The following RHOU variants were observed in gnomAD, a reference collection of about 807,000 sequenced individuals.
The protein encoded by RHOU is rho-related GTP-binding protein RhoU.
A neutral mutation model predicts 12.6 loss-of-function variants in RHOU; 8 were observed. The observed-to-expected ratio is 0.64, with a 90% CI of 0.37 to 1.15. The LOEUF is 1.15. Ranked by LOEUF, RHOU falls within the 50% of genes most tolerant of loss-of-function variation. RHOU has a pLI of 0.01. For synonymous variants in RHOU, 161 were observed against 147.4 expected, an observed-to-expected ratio of 1.09 and a Z score of -0.67; for missense variants, 258 against 347.0, an observed-to-expected ratio of 0.74 and a Z score of 2.04.
At chr1:228,735,439 G>GC (rs1174971479), upstream of RHOU, 4 of 200,200 alleles carry the variant, frequency 2.0e-5, no homozygotes, top group Admixed American at 6.0e-5. The surrounding 1 kb of genome is among the most constrained non-coding windows in gnomAD (Gnocchi z 8.1). Context: ...CCGCCTGCCC[G>GC]CCCCCCACGC....
At chr1:228,703,814 G>A in the RHOU span, among the ~76,000 whole-genome samples, 11 of 152,186 alleles carry the variant, frequency 7.2e-5, no homozygotes, top group Non-Finnish European at 1.5e-4. Flanking sequence ...TGGGATATGT[G>A]TAAGGAAAAT....
the RHOU span, among the ~76,000 whole-genome samples, chr1:228,646,949 A>C: frequency 6.6e-6 from 1 of 152,116 alleles, no homozygotes; most frequent in Non-Finnish European, 1.5e-5. Flanking sequence ...AGAGAGGCTA[A>C]GAGGGACAGA....
the RHOU span, among the ~76,000 whole-genome samples, chr1:228,695,622 G>T: frequency 6.6e-6 from 1 of 152,148 alleles, no homozygotes; most frequent in Non-Finnish European, 1.5e-5. Context: ...TCAGTTTACA[G>T]GTTCATTATA....
upstream of RHOU, among the ~76,000 whole-genome samples, chr1:228,732,827 A>C (rs6665334): frequency 0.15 from 23,373 of 152,098 alleles, 2,066 homozygotes; most frequent in South Asian, 0.22. Flanking sequence ...TTCATTAAGA[A>C]AAAAAAATAC....
upstream of RHOU, among the ~76,000 whole-genome samples, chr1:228,731,785 G>C (rs938762569): frequency 5.3e-5 from 8 of 151,904 alleles, no homozygotes; most frequent in African/African-American, 1.9e-4. Context: ...GTTGGGGGTA[G>C]GTAGGGGGGA....
At chr1:228,664,898 C>T in the RHOU span, among the ~76,000 whole-genome samples, 1 of 152,186 alleles carries the variant, frequency 6.6e-6, no homozygotes, top group Non-Finnish European at 1.5e-5. Flanking sequence ...GTGATCCATC[C>T]GCCTCGGCCT....
At chr1:228,666,569 C>T in the RHOU span, among the ~76,000 whole-genome samples, 1 of 152,108 alleles carries the variant, frequency 6.6e-6, no homozygotes, top group Non-Finnish European at 1.5e-5. Context: ...ACAAATCTCT[C>T]CCTATCCCTC....
At chr1:228,712,944 C>T in the RHOU span, among the ~76,000 whole-genome samples, 2 of 151,676 alleles carry the variant, frequency 1.3e-5, no homozygotes, top group South Asian at 2.1e-4. Context: ...CTGACCTAGT[C>T]GGATATCTGA....
At chr1:228,715,645 C>T in the RHOU span, among the ~76,000 whole-genome samples, 1 of 152,116 alleles carries the variant, frequency 6.6e-6, no homozygotes, top group South Asian at 2.1e-4. Context: ...CTTTCATATA[C>T]ATTCTTAAGA....
rs905419157 is a variant in RHOU at position 228,745,202 on chromosome 1, C to T, written c.*1462C>T. On this transcript the variant is annotated 3_prime_UTR_variant, in exon 3 of 3. Coordinates refer to ENST00000366691, the MANE Select transcript of RHOU (RefSeq NM_021205.6). ...GTGGCAGCTGTTAGGGCTGAATCTTCTGGAGAAAAAGGTGCCATCTCAGGA... is the reference window on the plus strand; with the variant it reads ...GTGGCAGCTGTTAGGGCTGAATCTTTTGGAGAAAAAGGTGCCATCTCAGGA... 6.6e-6 allele frequency: 1 copy of T among 152,128 alleles called. No homozygotes were observed. Among genetic ancestry groups the T allele is most frequent in the African/African-American group, 2.4e-5 (1 of 41,412 alleles). 9.4% of individuals were successfully genotyped at this position (152,128 alleles called of 1,614,324 possible). A position where few individuals can be genotyped will look rare whatever the true frequency, so the allele number is the denominator to read the frequency against.
chr1:228,646,900 A>C, the RHOU span, among the ~76,000 whole-genome samples: 45 of 152,150 alleles, frequency 3.0e-4, 1 homozygote, highest in East Asian at 7.6e-3. Flanking sequence ...GGAGAGAGAC[A>C]GCGATCGAGA....
At chr1:228,725,447 A>C in the RHOU span, among the ~76,000 whole-genome samples, 62 of 134,996 alleles carry the variant, frequency 4.6e-4, no homozygotes, top group Admixed American at 1.7e-3. Flanking sequence ...AGCCTCTCAA[A>C]GGGACTAGTG....
At chr1:228,655,612 G>T in the RHOU span, among the ~76,000 whole-genome samples, 14 of 152,134 alleles carry the variant, frequency 9.2e-5, no homozygotes, top group African/African-American at 3.4e-4. Flanking sequence ...TTGCTCAAAT[G>T]TGGCAAAAAA....
At chr1:228,685,427 G>C in the RHOU span, among the ~76,000 whole-genome samples, 2 of 152,228 alleles carry the variant, frequency 1.3e-5, no homozygotes, top group South Asian at 4.1e-4. Context: ...CTGAAACTCA[G>C]AGTGAGAGAC....
At chr1:228,647,271 C>G in the RHOU span, among the ~76,000 whole-genome samples, 4 of 152,266 alleles carry the variant, frequency 2.6e-5, no homozygotes, top group Admixed American at 6.5e-5. Flanking sequence ...TTCTTGGCAC[C>G]TCACTGTGCT....
chr1:228,739,788 C>T (rs1266473921), intron 2 of RHOU, among the ~76,000 whole-genome samples: 1 of 152,260 alleles, frequency 6.6e-6, no homozygotes, highest in Non-Finnish European at 1.5e-5. Context: ...GTTGGCTCTT[C>T]AAGCAGGATG....
the RHOU span, among the ~76,000 whole-genome samples, chr1:228,657,107 C>A: frequency 7.5e-4 from 114 of 151,816 alleles, no homozygotes; most frequent in Admixed American, 2.0e-3. Flanking sequence ...GAAACCCTGT[C>A]TCTACTAAAA....
the RHOU span, among the ~76,000 whole-genome samples, chr1:228,703,390 G>A: frequency 6.6e-6 from 1 of 152,000 alleles, no homozygotes; most frequent in Non-Finnish European, 1.5e-5. Context: ...GCCAGGTGTG[G>A]TGGTGGGCAC....
At chr1:228,674,205 G>C in the RHOU span, among the ~76,000 whole-genome samples, 1 of 151,950 alleles carries the variant, frequency 6.6e-6, no homozygotes, top group South Asian at 2.1e-4. Context: ...TTTTCTATTT[G>C]TCTTTTCTTA....
Sources: allele counts gnomAD v4.1 joint callset (sites outside exome capture counted in the v4.1 genomes callset), GRCh38; gene constraint gnomAD v4.1.1; non-coding constraint Gnocchi (gnomAD v3.1); transcripts MANE v1.5; gene names NCBI Gene and HGNC (gene_info 2026-07-23, HGNC 2026-07-21).